Variants in PDIA6 observed in about 807,000 individuals in gnomAD.
The protein encoded by PDIA6 is protein disulfide isomerase family A member 6.
PDIA6 carries 29 observed loss-of-function variants against 58.4 expected under a neutral mutation model. That is an observed-to-expected ratio of 0.50 (90% CI 0.37 to 0.68). The LOEUF is 0.68. Among genes scored for constraint, PDIA6 ranks in the 30% least tolerant of loss-of-function variants. The pLI, the probability that PDIA6 is intolerant of heterozygous loss-of-function variation, is 0.00. For missense variants in PDIA6, 480 were observed against 551.0 expected (o/e 0.87, Z 1.29); for synonymous variants, 192 against 202.6 (o/e 0.95, Z 0.44).
intron 1 of PDIA6, among the ~76,000 whole-genome samples, chr2:10,821,812 C>G (rs187895973): frequency 6.6e-6 from 1 of 152,002 alleles, no homozygotes. Flanking sequence ...TTTGTAGAGA[C>G]AGGACCTCAC....
At chr2:10,795,443 G>A (rs2148543944) in intron 4 of PDIA6, among the ~76,000 whole-genome samples, 1 of 152,122 alleles carries the variant, frequency 6.6e-6, no homozygotes. Flanking sequence ...TTTGGAGCTG[G>A]GGAGCCTAGC....
At chr2:10,837,692 G>A in exon 1 of PDIA6, 1 of 1,510,000 alleles carries the variant, frequency 6.6e-7, no homozygotes, top group Non-Finnish European at 8.8e-7. Flanking sequence ...CTCAAGCCTG[G>A]GCAGCCTGGT....
At chr2:10,818,484 T>TTATA (rs1159545307) in intron 2 of PDIA6, among the ~76,000 whole-genome samples, 2 of 58,802 alleles carry the variant, frequency 3.4e-5, no homozygotes, top group African/African-American at 7.2e-5. Context: ...ACCATTTAAT[T>TTATA]TATTTATTTA....
At chr2:10,837,641 C>T in exon 1 of PDIA6, 7 of 1,371,722 alleles carry the variant, frequency 5.1e-6, no homozygotes, top group Non-Finnish European at 6.0e-6. Context: ...AGAATTGCAG[C>T]TTGTTCAGGG....
intron 1 of PDIA6, among the ~76,000 whole-genome samples, chr2:10,829,172 T>C (rs1667636798): frequency 6.6e-6 from 1 of 152,202 alleles, no homozygotes; most frequent in South Asian, 2.1e-4. Context: ...GGCTCTGGGC[T>C]GGGAGAAGGG....
intron 1 of PDIA6, among the ~76,000 whole-genome samples, chr2:10,806,805 G>T (rs901999427): frequency 1.3e-5 from 2 of 151,974 alleles, no homozygotes; most frequent in Non-Finnish European, 2.9e-5. Flanking sequence ...TCTATGTTTA[G>T]ATACACAAAT....
chr2:10,788,128 C>T (rs1665867637), intron 10 of PDIA6, among the ~76,000 whole-genome samples: 1 of 151,502 alleles, frequency 6.6e-6, no homozygotes, highest in South Asian at 2.1e-4. Context: ...TGCCTAGATC[C>T]AGTCCTTAAC....
At chr2:10,803,427 G>T (rs1572677106) in intron 1 of PDIA6, among the ~76,000 whole-genome samples, 2 of 152,362 alleles carry the variant, frequency 1.3e-5, no homozygotes, top group South Asian at 4.2e-4. Context: ...AAAGTGCTGG[G>T]ATTACAGGCA....
Position 10,788,924 on chromosome 2 carries a change from C to T in PDIA6, c.898G>A (p.Ala300Thr). The change falls in exon 9 of 13, where the codon GCT (alanine) becomes ACT (threonine). Residue 300 changes from alanine to threonine, a missense_variant. Coordinates refer to ENST00000272227, the MANE Select transcript of PDIA6 (RefSeq NM_005742.4). ...TCEEHQLCVVAVLPHILDTGA... is the reference protein window; with the variant it reads ...TCEEHQLCVVTVLPHILDTGA... The stretch of plus-strand genomic sequence containing the variant: ...GTATCAAGGATATGGGGCAGCACAG[C>T]CACAACACAGAGCTGGTGCTCCTCA... The T allele has an allele frequency of 6.2e-7, 1 of 1,613,936 alleles. No homozygotes were observed.
rs78197386 is a variant in PDIA6 at position 10,821,063 on chromosome 2, G to A, written c.-47-1709C>T. On this transcript the variant is annotated intron_variant, in intron 1 of 13. Transcript: ENST00000381611. ...GAGATGGCCACAGAATTTTCAGGTCGTGTTTTAAAACAGCCTTCGGAGATT... is the reference window on the plus strand; with the variant it reads ...GAGATGGCCACAGAATTTTCAGGTCATGTTTTAAAACAGCCTTCGGAGATT... 1.2e-3 allele frequency: 641 copies of A among 526,490 alleles called. 7 individuals are homozygous for A. In the East Asian group the frequency reaches 0.016, roughly 13 times the overall value. 32.6% of individuals were successfully genotyped at this position (526,490 alleles called of 1,614,324 possible).
chr2:10,784,869 G>A, intron 12 of PDIA6, 65 bp downstream of exon 12: 3 of 1,191,190 alleles, frequency 2.5e-6, no homozygotes, highest in Non-Finnish European at 3.7e-6. Flanking sequence ...CAGGTGCAGA[G>A]ATGCACAGGC....
chr2:10,786,616 A>G (rs1665773481), intron 11 of PDIA6, among the ~76,000 whole-genome samples: 1 of 152,182 alleles, frequency 6.6e-6, no homozygotes, highest in Non-Finnish European at 1.5e-5. Context: ...TGTTCTTCCT[A>G]TTCATTATTC....
chr2:10,797,057 G>C, intron 4 of PDIA6, 24 bp downstream of exon 4: 8 of 1,608,800 alleles, frequency 5.0e-6, no homozygotes, highest in Non-Finnish European at 6.8e-6. Context: ...CCAGGGGAAT[G>C]AAGTAGCTAG....
chr2:10,787,920 G>A (rs1000083670), intron 10 of PDIA6, among the ~76,000 whole-genome samples: 3 of 152,102 alleles, frequency 2.0e-5, no homozygotes, highest in African/African-American at 7.2e-5. Context: ...ACAAAAATTA[G>A]CCGGGCATGG....
At chr2:10,789,208 CACAT>C (rs1665921152) in intron 8 of PDIA6, among the ~76,000 whole-genome samples, 1 of 152,200 alleles carries the variant, frequency 6.6e-6, no homozygotes, top group African/African-American at 2.4e-5. Flanking sequence ...GTGATTAGCA[CACAT>C]ACAAACATCT....
intron 1 of PDIA6, among the ~76,000 whole-genome samples, chr2:10,826,502 GGC>G (rs1372020537): frequency 3.3e-5 from 5 of 152,244 alleles, no homozygotes; most frequent in African/African-American, 1.2e-4. Flanking sequence ...TGGAATTACA[GGC>G]GCCTGCCACC....
At chr2:10,806,367 CAAAAAA>C (rs71392260) in intron 1 of PDIA6, among the ~76,000 whole-genome samples, 1 of 106,342 alleles carries the variant, frequency 9.4e-6, no homozygotes, top group Non-Finnish European at 1.9e-5. Flanking sequence ...GACCTTGTCT[CAAAAAA>C]AAAAAAAAAA....
intron 11 of PDIA6, among the ~76,000 whole-genome samples, chr2:10,786,528 A>G (rs1327428172): frequency 8.0e-6 from 1 of 124,666 alleles, no homozygotes; most frequent in Non-Finnish European, 1.5e-5. Flanking sequence ...CAGCACACAC[A>G]CACGTCTCCA....
chr2:10,817,735 T>G (rs1263725044), upstream of PDIA6, among the ~76,000 whole-genome samples: 1 of 152,232 alleles, frequency 6.6e-6, no homozygotes, highest in Non-Finnish European at 1.5e-5. Flanking sequence ...TTGGGGCCAC[T>G]GGAGCAGTGA....
Sources: allele counts gnomAD v4.1 joint callset (sites outside exome capture counted in the v4.1 genomes callset), GRCh38; gene constraint gnomAD v4.1.1; transcripts MANE v1.5; gene names NCBI Gene and HGNC (gene_info 2026-07-23, HGNC 2026-07-21).